The following GAK variants were observed in gnomAD, a reference collection of about 807,000 sequenced individuals.
GAK encodes the protein cyclin-G-associated kinase.
In GAK, 79 loss-of-function variants were observed where a neutral mutation model predicts 143.9. The observed-to-expected ratio is 0.55, with a 90% confidence interval of 0.46 to 0.66. The LOEUF (loss-of-function observed/expected upper bound fraction) is 0.66. GAK is among the 30% of genes least tolerant of loss of function. The pLI is 0.00. For synonymous variants in GAK, 881 were observed against 765.5 expected, an observed-to-expected ratio of 1.15 and a Z score of -2.49; for missense variants, 1,693 against 1,779.7, an observed-to-expected ratio of 0.95 and a Z score of 0.88.
At chr4:891,713 C>G (rs1284613070) in intron 9 of GAK, among the ~76,000 whole-genome samples, 1 of 152,172 alleles carries the variant, frequency 6.6e-6, no homozygotes, top group African/African-American at 2.4e-5. Flanking sequence ...GCCCACACCC[C>G]CCTGCGAGCC....
At chr4:912,608 A>G (rs1722240155) in intron 3 of GAK, 127 bp downstream of exon 3, 2 of 696,554 alleles carry the variant, frequency 2.9e-6, no homozygotes, top group East Asian at 5.2e-5. Flanking sequence ...TAAAAGCAAA[A>G]AGCCGATTTT....
At chr4:891,401 G>A (rs560796591) in intron 9 of GAK, among the ~76,000 whole-genome samples, 1 of 152,200 alleles carries the variant, frequency 6.6e-6, no homozygotes, top group South Asian at 2.1e-4. Flanking sequence ...TCTGTCCCAG[G>A]ATGTTCCATC....
At chr4:882,558 C>T (rs1190390540) in intron 14 of GAK, 139 bp downstream of exon 14, 6 of 1,127,148 alleles carry the variant, frequency 5.3e-6, no homozygotes, top group Non-Finnish European at 7.6e-6. Flanking sequence ...CCAAAGACAC[C>T]AAGCACAGGG....
chr4:925,097 TATGAATGTGCA>T (rs1724507173), intron 1 of GAK, among the ~76,000 whole-genome samples: 1 of 152,152 alleles, frequency 6.6e-6, no homozygotes, highest in Non-Finnish European at 1.5e-5. Context: ...AGGCACAGGA[TATGAATGTGCA>T]ATGCCAGAAG....
chr4:930,334 T>C (rs1357304414), intron 1 of GAK, among the ~76,000 whole-genome samples: 5 of 152,126 alleles, frequency 3.3e-5, no homozygotes, highest in African/African-American at 9.7e-5. Flanking sequence ...CTGACTTGCC[T>C]AGATAGCAAA....
chr4:878,930 CTG>C (rs1159837791), intron 15 of GAK, among the ~76,000 whole-genome samples: 2 of 152,238 alleles, frequency 1.3e-5, no homozygotes, highest in East Asian at 3.9e-4. Flanking sequence ...CCACAGGACA[CTG>C]TGGCCCAGCT....
chr4:886,326 C>T (rs565669957), intron 11 of GAK: 1 of 152,332 alleles, frequency 6.6e-6, no homozygotes, highest in East Asian at 1.9e-4. Flanking sequence ...GGGCCTGGAA[C>T]CCATGGGTCC....
intron 5 of GAK, among the ~76,000 whole-genome samples, chr4:899,571 G>A (rs1211846703): frequency 1.3e-5 from 2 of 150,462 alleles, no homozygotes; most frequent in Non-Finnish European, 3.0e-5. Flanking sequence ...GGAAGCCCAA[G>A]TTCTGATAAG....
chr4:882,588 G>T, intron 14 of GAK, 109 bp downstream of exon 14: 1 of 1,379,324 alleles, frequency 7.2e-7, no homozygotes, highest in Non-Finnish European at 1.0e-6. Context: ...CGTGTCCCAG[G>T]GTGAAGAACA....
At chr4:892,570 C>G in intron 9 of GAK, among the ~76,000 whole-genome samples, 1 of 152,228 alleles carries the variant, frequency 6.6e-6, no homozygotes, top group East Asian at 1.9e-4. Context: ...CCCTGTGGGC[C>G]TCAGTCTCCC....
intron 1 of GAK, among the ~76,000 whole-genome samples, chr4:926,909 G>A (rs1464055737): frequency 1.6e-5 from 1 of 60,782 alleles, no homozygotes; most frequent in Non-Finnish European, 3.2e-5. Flanking sequence ...GCTCCGCACT[G>A]CCCCGCACCC....
At chr4:889,118 GC>G in intron 10 of GAK, 148 bp from the exon 11 acceptor site, 1 of 1,058,346 alleles carries the variant, frequency 9.4e-7, no homozygotes, top group Non-Finnish European at 1.3e-6. Context: ...TGCTGGCTGG[GC>G]CCAGGCAGCA....
chr4:880,592 C>T (rs113364826), intron 15 of GAK, among the ~76,000 whole-genome samples: 18 of 152,314 alleles, frequency 1.2e-4, no homozygotes, highest in African/African-American at 3.6e-4. Flanking sequence ...AGGCTTCACT[C>T]GCCCACTGAG....
At chr4:892,730 C>T (rs542983916) in intron 9 of GAK, among the ~76,000 whole-genome samples, 12 of 152,296 alleles carry the variant, frequency 7.9e-5, no homozygotes, top group Admixed American at 2.6e-4. Flanking sequence ...CACCCCAGGA[C>T]GCCCAGAGCT....
rs773774851 is a variant in GAK, at chr4:866,923, G to A, written c.2872+33C>T. The A allele has an allele frequency of 5.0e-6, 7 of 1,412,082 alleles. No homozygotes were observed. In the South Asian group the frequency reaches 1.0e-4, roughly 20 times the overall value. The allele number at this position is 1,412,082 out of a possible 1,614,324, so 87.5% of individuals were successfully genotyped here. A position where few individuals can be genotyped will look rare whatever the true frequency, so the allele number is the denominator to read the frequency against. On this transcript the variant is annotated intron_variant, in intron 21 of 27. Coordinates refer to ENST00000314167, the MANE Select transcript of GAK (RefSeq NM_005255.4). ...CTCAGCCTCATCACTCATCTACTGT[G>A]AAGCCACTCGCCTTCAGAACAGAAA...
rs569933831 is a variant in GAK, at chr4:874,584, T to C, written c.2054+1946A>G. Among the ~76,000 whole-genome samples the C allele has an allele frequency of 2.6e-5, 4 of 152,142 alleles. No individual in the cohort carries two copies. In the East Asian group the frequency reaches 7.7e-4, roughly 29 times the overall value. ...GGTCATGCATTCCCACCCCGTCCTGTCCTCGGGCTGGAGATTGTTCTCTTC... is the reference window on the plus strand; with the variant it reads ...GGTCATGCATTCCCACCCCGTCCTGCCCTCGGGCTGGAGATTGTTCTCTTC... On this transcript the variant is annotated intron_variant, in intron 18 of 27. Coordinates refer to ENST00000314167, the MANE Select transcript of GAK (RefSeq NM_005255.4).
At position 907,299 on chromosome 4, in the gene GAK, G is replaced by A. The variant is rs561205112; in HGVS notation, c.383-2520C>T. 3.3e-4 allele frequency among the ~76,000 whole-genome samples: 51 copies of A among 152,266 alleles called. No individual in the cohort carries two copies. The East Asian group carries it at 6.4e-3, about 19-fold the overall frequency. ...CTGCCGGCCCTGGCCCTCAACCCCAGGTGAAAGCCCTCTCAGCCCTCACCA... is the reference window on the plus strand; with the variant it reads ...CTGCCGGCCCTGGCCCTCAACCCCAAGTGAAAGCCCTCTCAGCCCTCACCA... On this transcript the variant is annotated intron_variant, in intron 4 of 27. Transcript: ENST00000314167.
chr4:891,572 C>A (rs1038900244), intron 9 of GAK, among the ~76,000 whole-genome samples: 5 of 152,112 alleles, frequency 3.3e-5, no homozygotes, highest in Admixed American at 3.3e-4. Context: ...GGGGTCCCGG[C>A]CTAGAAGCAC....
chr4:930,950 G>A lies in GAK; in HGVS notation c.145+1093C>T, dbSNP rs544372570. On this transcript the variant is annotated intron_variant, in intron 1 of 27. Coordinates refer to ENST00000314167, the MANE Select transcript of GAK (RefSeq NM_005255.4). ...AACCCTCCAGCCCTGAGAGGTACCA[G>A]GGAGCTGGTGAGGGTGAGGGCTTTT... is the stretch of plus-strand genomic sequence containing the variant. Among the ~76,000 whole-genome samples, 10 of 152,360 alleles carry A rather than the reference G, an allele frequency of 6.6e-5. No individual in the cohort carries two copies. In the East Asian group the frequency reaches 1.4e-3, roughly 21 times the overall value.
Sources: gnomAD v4.1 joint callset for allele counts (sites outside exome capture counted in the v4.1 genomes callset) on GRCh38, gnomAD v4.1.1 for gene constraint, MANE v1.5 for transcripts, NCBI Gene and HGNC (gene_info 2026-07-23, HGNC 2026-07-21) for gene names.